The following WDR76 variants were observed in gnomAD, a reference collection of about 807,000 sequenced individuals.
The protein encoded by WDR76 is WD repeat domain 76.
A neutral mutation model predicts 70.2 loss-of-function variants in WDR76; 52 were observed. That is an observed-to-expected ratio of 0.74 (90% CI 0.59 to 0.93). The LOEUF (loss-of-function observed/expected upper bound fraction) is 0.93, where lower values mean the gene tolerates loss of function less well. WDR76 is among the 40% of genes least tolerant of loss of function. The pLI is 0.00. For missense variants in WDR76, 756 were observed against 760.2 expected, an observed-to-expected ratio of 0.99 and a Z score of 0.07; for synonymous variants, 292 against 271.1, an observed-to-expected ratio of 1.08 and a Z score of -0.76.
intron 2 of WDR76, among the ~76,000 whole-genome samples, chr15:43,831,640 A>C (rs1394492251): frequency 6.6e-6 from 1 of 151,598 alleles, no homozygotes; most frequent in African/African-American, 2.4e-5. Flanking sequence ...GGGTTTCTCC[A>C]TGTTGGCCAG....
chr15:43,832,279 C>T (rs1377818845), intron 2 of WDR76, among the ~76,000 whole-genome samples: 1 of 151,922 alleles, frequency 6.6e-6, no homozygotes, highest in Non-Finnish European at 1.5e-5. Context: ...CCTGTAGTTT[C>T]AGCTTCTTGG....
chr15:43,863,559 T>TAA (rs68110552), intron 12 of WDR76, among the ~76,000 whole-genome samples: 4 of 139,102 alleles, frequency 2.9e-5, no homozygotes, highest in African/African-American at 2.7e-5. Flanking sequence ...CTCTCTTTTT[T>TAA]AAAAAAAAAA....
chr15:43,828,521 G>A (rs2087546802), intron 2 of WDR76, among the ~76,000 whole-genome samples, 155 bp downstream of exon 2: 1 of 152,082 alleles, frequency 6.6e-6, no homozygotes, highest in Admixed American at 6.6e-5. Context: ...TTATTTTTAA[G>A]GTTTAACAAA....
Position 43,839,687 on chromosome 15 carries a change from C to A in WDR76, c.691C>A (p.Pro231Thr). 5.6e-6 allele frequency: 9 copies of A among 1,611,632 alleles called. No individual in the cohort carries two copies. The highest frequency in any genetic ancestry group is 7.6e-6 in the Non-Finnish European group (9 of 1,178,506). The change falls in exon 5 of 13, where the codon CCA becomes ACA. Residue 231 changes from proline to threonine, a missense_variant. Physicochemically the swap from Pro to Thr is conservative, Grantham distance 38. Transcript: ENST00000263795. ...AGTTGATCCTTCGGGAGTTTCATTA[C>A]CAGCAGCTCCAACACCGCCGACATT... ...LKVDPSGVSL[P>T]AAPTPPTLVA...
chr15:43,844,446 C>T (rs111547477), intron 8 of WDR76, among the ~76,000 whole-genome samples: 2 of 151,614 alleles, frequency 1.3e-5, no homozygotes. Context: ...GGTGAAACCC[C>T]GTCTGTAGTA....
rs1352863804 is a variant in WDR76, at chr15:43,867,805, A to G, written c.*1413A>G. 2.0e-5 allele frequency: 3 copies of G among 152,110 alleles called. No homozygotes were observed. The highest frequency in any genetic ancestry group is 2.9e-5 in the Non-Finnish European group (2 of 67,996). The allele number at this position is 152,110 out of a possible 1,614,324, so 9.4% of individuals were successfully genotyped here. On this transcript the variant is annotated 3_prime_UTR_variant, in exon 13 of 13. Coordinates refer to ENST00000263795, the MANE Select transcript of WDR76 (RefSeq NM_024908.4). ...CTTTTCAGAAGTTATGGTAATTTCA[A>G]TGTGTTTGTTGTTGGGAGGGGAGCT...
rs536790801 is a variant in WDR76 at position 43,862,216 on chromosome 15, G to A, written c.1616+830G>A. ...TCTTTGTCACTATTTATGAAGTTGC[G>A]AATAGTGTGTGATATACATTGATTG... On this transcript the variant is annotated intron_variant, in intron 12 of 12. Coordinates refer to ENST00000263795, the MANE Select transcript of WDR76 (RefSeq NM_024908.4). 1.2e-3 allele frequency among the ~76,000 whole-genome samples: 175 copies of A among 147,602 alleles called. 1 individual carries two copies. The highest frequency in any genetic ancestry group is 7.6e-3 in the Middle Eastern group (2 of 264).
intron 9 of WDR76, among the ~76,000 whole-genome samples, chr15:43,855,975 A>G (rs2087921858): frequency 6.6e-6 from 1 of 152,204 alleles, no homozygotes; most frequent in South Asian, 2.1e-4. Flanking sequence ...TGCTTCCACA[A>G]AGTACACCTA....
chr15:43,827,551 A>T (rs2141718454), intron 1 of WDR76, among the ~76,000 whole-genome samples: 1 of 152,120 alleles, frequency 6.6e-6, no homozygotes, highest in South Asian at 2.1e-4. Flanking sequence ...ATTTGGATTT[A>T]TTTATTTTTT....
intron 10 of WDR76, chr15:43,857,618 G>A (rs2087944292): frequency 6.9e-6 from 5 of 721,950 alleles, no homozygotes; most frequent in South Asian, 6.2e-5. Flanking sequence ...TCAGGAGTTC[G>A]AGACCAGCCT....
At chr15:43,829,989 T>C (rs1251122843) in intron 2 of WDR76, among the ~76,000 whole-genome samples, 1 of 151,730 alleles carries the variant, frequency 6.6e-6, no homozygotes, top group African/African-American at 2.4e-5. Flanking sequence ...TTGCATATCT[T>C]TTTTCTTTTT....
intron 8 of WDR76, among the ~76,000 whole-genome samples, chr15:43,845,247 C>T (rs2087774571): frequency 6.7e-6 from 1 of 149,956 alleles, no homozygotes; most frequent in Admixed American, 6.6e-5. Context: ...CGGCGCCCAG[C>T]CCGAAGTTTA....
chr15:43,828,510 ATTATT>A, intron 2 of WDR76, 144 bp downstream of exon 2: 1 of 768,726 alleles, frequency 1.3e-6, no homozygotes, highest in Non-Finnish European at 1.9e-6. Context: ...ATACATTTTT[ATTATT>A]TTTAAGGTTT....
rs2087528265 is a variant in WDR76 at position 43,827,192 on chromosome 15, G to A, written c.60+100G>A. On this transcript the variant is annotated intron_variant, in intron 1 of 12. Transcript: ENST00000263795. ...AGGAGGTCGAGGGCACCTGGCACCGGGGGTAGGCGGGGGATCCCTGCCCTT... is the reference window on the plus strand; with the variant it reads ...AGGAGGTCGAGGGCACCTGGCACCGAGGGTAGGCGGGGGATCCCTGCCCTT... The A allele has an allele frequency of 3.3e-5, 48 of 1,468,830 alleles. 1 individual carries two copies. Among genetic ancestry groups the A allele is most frequent in the Non-Finnish European group, 4.5e-5 (48 of 1,058,806 alleles). 91.0% of individuals were successfully genotyped at this position (1,468,830 alleles called of 1,614,324 possible). A position where few individuals can be genotyped will look rare whatever the true frequency, so the allele number is the denominator to read the frequency against.
At chr15:43,832,478 C>T (rs1167471892) in intron 2 of WDR76, among the ~76,000 whole-genome samples, 1 of 150,934 alleles carries the variant, frequency 6.6e-6, no homozygotes, top group African/African-American at 2.4e-5. Context: ...TGGGGTCTCA[C>T]CCTGTCGCCC....
intron 10 of WDR76, 100 bp downstream of exon 10, chr15:43,857,263 G>T (rs2087940298): frequency 2.5e-6 from 3 of 1,212,432 alleles, no homozygotes; most frequent in Non-Finnish European, 3.4e-6. Context: ...ATTACAAAAG[G>T]TATTACTTTT....
At chr15:43,856,557 A>G (rs889170779) in intron 9 of WDR76, among the ~76,000 whole-genome samples, 2 of 150,962 alleles carry the variant, frequency 1.3e-5, no homozygotes, top group Non-Finnish European at 2.9e-5. Context: ...TTAATTGTAG[A>G]CACAGCTGAT....
At position 43,828,060 on chromosome 15, in the gene WDR76, C is replaced by T. The variant is rs758306141; in HGVS notation, c.156C>T (p.Ala52=). 6 of 1,614,110 alleles carry T rather than the reference C, an allele frequency of 3.7e-6. No individual in the cohort carries two copies. In the East Asian group the frequency reaches 8.9e-5, roughly 24 times the overall value. Residue 52 remains alanine, a synonymous_variant, in exon 2 of 13, where the codon GCC becomes GCT. Transcript: ENST00000263795. ...VLIKTAKVYL[A]PFSLSNYQLD... ...TAAAAACAGCTAAGGTCTATCTTGC[C>T]CCCTTTTCACTCAGTAATTACCAGC...
chr15:43,840,047 CG>C (rs1159718146), intron 5 of WDR76, among the ~76,000 whole-genome samples: 2 of 151,848 alleles, frequency 1.3e-5, no homozygotes. Context: ...TTGGTAGAGA[CG>C]GGGTTTCACC....
Sources: gnomAD v4.1 joint callset for allele counts (sites outside exome capture counted in the v4.1 genomes callset) on GRCh38, gnomAD v4.1.1 for gene constraint, MANE v1.5 for transcripts, NCBI Gene and HGNC (gene_info 2026-07-23, HGNC 2026-07-21) for gene names.